ARHGAP5: variants seen among roughly 807,000 people sequenced by gnomAD.
The protein encoded by ARHGAP5 is rho GTPase-activating protein 5.
In ARHGAP5, 23 loss-of-function variants were observed where a neutral mutation model predicts 116.6. The ratio of observed to expected loss-of-function variants is 0.20; its 90% CI spans 0.14 to 0.28. The LOEUF (loss-of-function observed/expected upper bound fraction) is 0.28, where lower values mean the gene tolerates loss of function less well. Ranked by LOEUF, ARHGAP5 falls within the 10% of genes least tolerant of loss-of-function variation. ARHGAP5 has a pLI of 1.00. For missense variants in ARHGAP5, 1,405 were observed against 1,774.8 expected (o/e 0.79, Z 3.74); for synonymous variants, 574 against 602.0 (o/e 0.95, Z 0.68).
In ARHGAP5 at chr14:32,093,188, T is replaced by A. The variant is rs746548294; in HGVS notation, c.2519T>A (p.Ile840Asn). 3.7e-6 allele frequency: 6 copies of A among 1,613,910 alleles called. No homozygotes were observed. The highest frequency in any genetic ancestry group is 5.1e-6 in the Non-Finnish European group (6 of 1,179,946). Reference protein sequence around the residue: ...QITILSYHSSIGVRKDELVHG... With the variant: ...QITILSYHSSNGVRKDELVHG... The stretch of plus-strand genomic sequence containing the variant: ...ACAATATTATCATACCACTCTTCAA[T>A]TGGAGTAAGAAAAGATGAACTAGTT... The change falls in exon 2 of 7, where the codon ATT becomes AAT. Residue 840 changes from isoleucine to asparagine, a missense_variant. Ile to Asn is a moderately radical substitution (Grantham distance 149). This residue lies in a region of ARHGAP5 where 944 missense variants were observed against 1,095.3 expected (regional missense o/e 0.86). Coordinates refer to ENST00000345122, the MANE Select transcript of ARHGAP5 (RefSeq NM_001030055.2).
At chr14:32,134,161 T>G (rs1161644514) in intron 3 of ARHGAP5, among the ~76,000 whole-genome samples, 1 of 152,202 alleles carries the variant, frequency 6.6e-6, no homozygotes, top group African/African-American at 2.4e-5. Context: ...TTAGTCTTCT[T>G]TAATTTAGAA....
chr14:32,130,244 C>CT (rs1880404770), intron 3 of ARHGAP5, among the ~76,000 whole-genome samples: 1 of 138,068 alleles, frequency 7.2e-6, no homozygotes, highest in Non-Finnish European at 1.5e-5. Context: ...TGGAGTCTCA[C>CT]TGTGTCCCCC....
At chr14:32,153,561 C>T (rs1446661372) in intron 6 of ARHGAP5, among the ~76,000 whole-genome samples, 1 of 148,418 alleles carries the variant, frequency 6.7e-6, no homozygotes, top group Non-Finnish European at 1.5e-5. Flanking sequence ...CAACCTCCGC[C>T]TCCTGGGTTC....
intron 3 of ARHGAP5, among the ~76,000 whole-genome samples, chr14:32,133,268 G>A (rs1880603920): frequency 6.6e-6 from 1 of 152,176 alleles, no homozygotes; most frequent in Admixed American, 6.5e-5. Context: ...TCCTTGAGCA[G>A]TGGTTTGTAG....
intron 3 of ARHGAP5, among the ~76,000 whole-genome samples, chr14:32,140,836 A>G (rs1277251329): frequency 3.3e-5 from 5 of 152,090 alleles, no homozygotes; most frequent in Non-Finnish European, 7.4e-5. Context: ...TGTTTGGTCT[A>G]GTCGGTTTTT....
rs2139162674 is a variant in ARHGAP5, at chr14:32,156,862, T to C, written c.*1914T>C. ...TATGTACAGGAAAAAAGCCTGACTA[T>C]TTCTATTTGGAAGTAGGCTGAAAAG... On this transcript the variant is annotated 3_prime_UTR_variant, in exon 7 of 7. Transcript: ENST00000345122. The C allele has an allele frequency of 6.6e-6, 1 of 152,472 alleles. No individual in the cohort carries two copies. Among genetic ancestry groups the C allele is most frequent in the African/African-American group, 2.4e-5 (1 of 41,566 alleles). 9.4% of individuals were successfully genotyped at this position (152,472 alleles called of 1,614,324 possible).
intron 3 of ARHGAP5, among the ~76,000 whole-genome samples, chr14:32,131,162 A>G (rs1232271068): frequency 6.6e-6 from 1 of 151,956 alleles, no homozygotes; most frequent in Non-Finnish European, 1.5e-5. Context: ...AAATTCTCCC[A>G]GTTGTCTCAA....
chr14:32,150,238 C>T (rs1009040392), intron 5 of ARHGAP5, among the ~76,000 whole-genome samples: 4 of 152,042 alleles, frequency 2.6e-5, no homozygotes, highest in African/African-American at 7.2e-5. Flanking sequence ...TTTAGCTAGC[C>T]CCCTAGGTGA....
chr14:32,159,553 C>G lies in ARHGAP5; in HGVS notation c.*4605C>G, dbSNP rs1002007634. On this transcript the variant is annotated 3_prime_UTR_variant, in exon 7 of 7. Transcript: ENST00000345122. ...GTGTATATGTATTTGCTCACCAGAT[C>G]ATTTTCTTGGGACCTTGAACTGTGA... 6.6e-6 allele frequency: 1 copy of G among 152,132 alleles called. No individual in the cohort carries two copies. Among genetic ancestry groups the G allele is most frequent in the Non-Finnish European group, 1.5e-5 (1 of 67,998 alleles). 9.4% of individuals were successfully genotyped at this position (152,132 alleles called of 1,614,324 possible).
chr14:32,114,258 CTCTTT>C lies in ARHGAP5; in HGVS notation c.3718-2880_3718-2876del, dbSNP rs562351234. Among the ~76,000 whole-genome samples the C allele has an allele frequency of 8.3e-3, 1,260 of 152,062 alleles. 11 individuals are homozygous for C. The highest frequency in any genetic ancestry group is 0.023 in the African/African-American group (941 of 41,460). Reference sequence around the variant, plus strand: ...AAAAAAAAATCTACCCAAGTGTAATCTCTTTTACCACTGCATTTATCTCCAAACAG... The same window carrying C: ...AAAAAAAAATCTACCCAAGTGTAATCTACCACTGCATTTATCTCCAAACAG... On this transcript the variant is annotated intron_variant, in intron 2 of 6. Transcript: ENST00000345122.
At chr14:32,140,086 G>GTTTT (rs1566681639) in intron 3 of ARHGAP5, among the ~76,000 whole-genome samples, 1 of 43,632 alleles carries the variant, frequency 2.3e-5, no homozygotes. Flanking sequence ...TTTTTTTTTA[G>GTTTT]GTTATTTGTT....
Position 32,089,860 on chromosome 14 carries a change from C to G in ARHGAP5, c.-168-642C>G, listed in dbSNP as rs370162909. 3.3e-5 allele frequency among the ~76,000 whole-genome samples: 5 copies of G among 151,934 alleles called. 1 individual carries two copies. Among genetic ancestry groups the G allele is most frequent in the African/African-American group, 1.2e-4 (5 of 41,502 alleles). On this transcript the variant is annotated intron_variant, in intron 1 of 6. Transcript: ENST00000345122. The stretch of plus-strand genomic sequence containing the variant: ...GGTCCTTAGTTTAAGAAGCAGTGAT[C>G]TATGTAAATGCTATCATTATTTGTA...
At chr14:32,154,090 G>A (rs1301726728) in intron 6 of ARHGAP5, 2 of 153,816 alleles carry the variant, frequency 1.3e-5, no homozygotes, top group Admixed American at 6.4e-5. Flanking sequence ...AGAATTTGTT[G>A]TTTCTGTTGC....
At chr14:32,140,606 A>T (rs867105952) in intron 3 of ARHGAP5, among the ~76,000 whole-genome samples, 2 of 152,110 alleles carry the variant, frequency 1.3e-5, no homozygotes, top group Admixed American at 6.5e-5. Flanking sequence ...AGAAAAAAGA[A>T]TGTTGTTTAA....
Position 32,154,943 on chromosome 14 carries a change from A to T in ARHGAP5, c.4504A>T (p.Ile1502Leu), listed in dbSNP as rs767834522. 1.9e-6 allele frequency: 3 copies of T among 1,612,384 alleles called. No homozygotes were observed. Residue 1502 changes from isoleucine (I) to leucine (L), a missense_variant, in exon 7 of 7, where the codon ATA (isoleucine) becomes TTA (leucine). By Grantham distance (5) the Ile-to-Leu change is conservative. Transcript: ENST00000345122. Reference sequence around the variant, plus strand: ...ATTACAAACGGATCCTCTTGGTATTATATGAGTAGGAAGTGATTGCAAACA... The same window carrying T: ...ATTACAAACGGATCCTCTTGGTATTTTATGAGTAGGAAGTGATTGCAAACA... ...PQLQTDPLGI[I>L]
rs1236037654 is a variant in ARHGAP5 at position 32,117,124 on chromosome 14, A to G, written c.3718-16A>G. 6.4e-7 allele frequency: 1 copy of G among 1,569,438 alleles called. No individual in the cohort carries two copies. Among genetic ancestry groups the G allele is most frequent in the Non-Finnish European group, 8.7e-7 (1 of 1,151,474 alleles). On this transcript the variant is annotated splice_polypyrimidine_tract_variant and intron_variant, in intron 2 of 6. Transcript: ENST00000345122. ...ATTAATTTTAATAGTGTTAACTTAA[A>G]TATGTTTTCTTATAGCAGAAAAAGA...
chr14:32,120,940 C>T (rs1258481422), intron 3 of ARHGAP5, among the ~76,000 whole-genome samples: 1 of 151,006 alleles, frequency 6.6e-6, no homozygotes, highest in Non-Finnish European at 1.5e-5. Flanking sequence ...GTGTGTTTCT[C>T]CTTTCAGTTC....
At chr14:32,079,197 A>C (rs2041746697) in intron 1 of ARHGAP5, among the ~76,000 whole-genome samples, 1 of 152,226 alleles carries the variant, frequency 6.6e-6, no homozygotes. Flanking sequence ...GACGGTACAG[A>C]TGATTAAATA....
Position 32,091,686 on chromosome 14 carries a change from A to C in ARHGAP5, c.1017A>C (p.Ile339=). ...EHIRKRREEY[I]NTLPRAFNTL... ...TAAGAAAAAGGAGAGAAGAGTATATAAATACTTTACCAAGAGCTTTTAACA... is the reference window on the plus strand; with the variant it reads ...TAAGAAAAAGGAGAGAAGAGTATATCAATACTTTACCAAGAGCTTTTAACA... The change falls in exon 2 of 7, where the codon ATA becomes ATC. Residue 339 remains isoleucine (I), a synonymous_variant. Coordinates refer to ENST00000345122, the MANE Select transcript of ARHGAP5 (RefSeq NM_001030055.2). 6.2e-7 allele frequency: 1 copy of C among 1,610,286 alleles called. No individual in the cohort carries two copies. Among genetic ancestry groups the C allele is most frequent in the South Asian group, 1.1e-5 (1 of 90,160 alleles).
Sources: gnomAD v4.1 joint callset for allele counts (sites outside exome capture counted in the v4.1 genomes callset) on GRCh38, gnomAD v4.1.1 for gene constraint, gnomAD v4.1.1 regional missense constraint, MANE v1.5 for transcripts, NCBI Gene and HGNC (gene_info 2026-07-23, HGNC 2026-07-21) for gene names.